The following GSG1L variants were observed in gnomAD, a reference collection of about 807,000 sequenced individuals.
GSG1L encodes GSG1 like.
A neutral mutation model predicts 42.1 loss-of-function variants in GSG1L; 24 were observed. The observed-to-expected ratio is 0.57, with a 90% CI of 0.41 to 0.80. The LOEUF (loss-of-function observed/expected upper bound fraction) is 0.80. Ranked by LOEUF, GSG1L falls within the 30% of genes least tolerant of loss-of-function variation. GSG1L has a pLI of 0.00. For synonymous variants in GSG1L, 215 were observed against 203.5 expected (o/e 1.06, Z -0.48); for missense variants, 445 against 472.2 (o/e 0.94, Z 0.53).
chr16:27,817,679 T>C (rs1442212982), intron 5 of GSG1L, among the ~76,000 whole-genome samples: 2 of 152,042 alleles, frequency 1.3e-5, no homozygotes, highest in Non-Finnish European at 2.9e-5. Flanking sequence ...TTTCAATCTG[T>C]CTTGAACCAA....
At chr16:27,888,563 CTT>C (rs1567506183) in intron 2 of GSG1L, among the ~76,000 whole-genome samples, 3 of 119,702 alleles carry the variant, frequency 2.5e-5, no homozygotes, top group South Asian at 2.8e-4. Flanking sequence ...TTCTTTCTTT[CTT>C]TCTTTCTTTC....
chr16:27,887,376 A>G (rs2084043200), intron 2 of GSG1L, among the ~76,000 whole-genome samples: 1 of 152,202 alleles, frequency 6.6e-6, no homozygotes, highest in African/African-American at 2.4e-5. Context: ...GGCAGAGCCA[A>G]GAGATGGAGG....
intron 6 of GSG1L, among the ~76,000 whole-genome samples, chr16:27,794,081 C>G (rs571689507): frequency 6.6e-6 from 1 of 152,346 alleles, no homozygotes; most frequent in South Asian, 2.1e-4. Flanking sequence ...GTGGCGCCAT[C>G]ATGGCTCACT....
At chr16:28,039,900 C>G (rs2086087831) in intron 1 of GSG1L, among the ~76,000 whole-genome samples, 1 of 152,128 alleles carries the variant, frequency 6.6e-6, no homozygotes, top group Non-Finnish European at 1.5e-5. Flanking sequence ...AGTATTTATA[C>G]CTTCATATGT....
chr16:27,843,882 G>T (rs1005509895), intron 4 of GSG1L, among the ~76,000 whole-genome samples: 5 of 152,342 alleles, frequency 3.3e-5, no homozygotes. Context: ...AGGGAAGCTT[G>T]GGACTCTAGT....
At chr16:27,811,816 T>G (rs528649159) in intron 5 of GSG1L, among the ~76,000 whole-genome samples, 1 of 152,256 alleles carries the variant, frequency 6.6e-6, no homozygotes, top group South Asian at 2.1e-4. Flanking sequence ...GTTTGGTTAT[T>G]TTTTTTATAT....
chr16:28,034,760 C>T (rs1032195610), intron 1 of GSG1L, among the ~76,000 whole-genome samples: 2 of 152,168 alleles, frequency 1.3e-5, no homozygotes, highest in African/African-American at 2.4e-5. Flanking sequence ...GGATATTTAG[C>T]GGCATCCAGG....
intron 1 of GSG1L, among the ~76,000 whole-genome samples, chr16:28,031,661 G>C (rs1028335979): frequency 3.3e-5 from 5 of 152,154 alleles, no homozygotes; most frequent in African/African-American, 4.8e-5. Flanking sequence ...AGAATTTTCT[G>C]CCTACTTTAA....
chr16:27,871,706 C>A (rs1438306067), intron 3 of GSG1L, among the ~76,000 whole-genome samples: 1 of 152,152 alleles, frequency 6.6e-6, no homozygotes, highest in Admixed American at 6.5e-5. Flanking sequence ...AGCCATAAAA[C>A]TAACAAAGTA....
At chr16:28,028,815 T>C (rs959159719) in intron 1 of GSG1L, among the ~76,000 whole-genome samples, 3 of 152,182 alleles carry the variant, frequency 2.0e-5, no homozygotes, top group African/African-American at 7.2e-5. Flanking sequence ...GCCTCCAGGC[T>C]TAGGCAGGAA....
At chr16:27,912,962 A>T (rs2084409060) in intron 2 of GSG1L, among the ~76,000 whole-genome samples, 1 of 152,038 alleles carries the variant, frequency 6.6e-6, no homozygotes, top group Non-Finnish European at 1.5e-5. Context: ...AACATGGCAG[A>T]ATCTTTATTT....
intron 2 of GSG1L, among the ~76,000 whole-genome samples, chr16:27,927,565 T>C (rs1186422563): frequency 1.3e-5 from 2 of 152,052 alleles, no homozygotes; most frequent in Non-Finnish European, 2.9e-5. Context: ...GGACCCCTCA[T>C]GCCATTCTCC....
In GSG1L at chr16:27,866,069, T is replaced by C. The variant is rs117907800; in HGVS notation, c.550+18417A>G. Among the ~76,000 whole-genome samples, 386 of 152,210 alleles carry C rather than the reference T, an allele frequency of 2.5e-3. 3 individuals carry two copies. Among genetic ancestry groups the C allele is most frequent in the Non-Finnish European group, 2.4e-3 (165 of 68,008 alleles). On this transcript the variant is annotated intron_variant, in intron 3 of 6. Transcript: ENST00000447459. Reference sequence around the variant, plus strand: ...CTAGTTCTGCCTTCCTGTGTATCTTTCTATTTTCCACCTCTGTTTTTCTCT... The same window carrying C: ...CTAGTTCTGCCTTCCTGTGTATCTTCCTATTTTCCACCTCTGTTTTTCTCT...
intron 1 of GSG1L, among the ~76,000 whole-genome samples, chr16:27,991,494 C>T (rs1037231937): frequency 1.6e-4 from 24 of 151,772 alleles, no homozygotes; most frequent in African/African-American, 5.8e-4. Flanking sequence ...CAACCGCTGC[C>T]CCCCAGTTCA....
chr16:27,966,791 T>C (rs1240595424), intron 1 of GSG1L, among the ~76,000 whole-genome samples: 1 of 152,218 alleles, frequency 6.6e-6, no homozygotes, highest in East Asian at 1.9e-4. Flanking sequence ...CACGGGATCA[T>C]AAAAATAGGT....
At chr16:28,058,641 C>A (rs67817153) in intron 1 of GSG1L, among the ~76,000 whole-genome samples, 28,963 of 93,340 alleles carry the variant, frequency 0.31, 3,921 homozygotes, top group Non-Finnish European at 0.35. Context: ...AAAAAACAAA[C>A]AAACCATGTC....
intron 3 of GSG1L, among the ~76,000 whole-genome samples, chr16:27,870,435 A>C (rs1596572054): frequency 6.8e-6 from 1 of 146,516 alleles, no homozygotes. Context: ...GTCTGTCTCC[A>C]TCCATCTCTC....
chr16:27,946,687 AGAAAGAAT>A (rs1567530191), intron 2 of GSG1L, among the ~76,000 whole-genome samples: 6 of 147,712 alleles, frequency 4.1e-5, no homozygotes, highest in Non-Finnish European at 9.1e-5. Flanking sequence ...AAAGAAAGAA[AGAAAGAAT>A]TAAATGAAGC....
intron 1 of GSG1L, among the ~76,000 whole-genome samples, chr16:28,000,301 C>T (rs2085567734): frequency 6.6e-6 from 1 of 152,196 alleles, no homozygotes; most frequent in South Asian, 2.1e-4. Context: ...GACCTCGTCT[C>T]TACCAAATAA....
Sources: allele counts gnomAD v4.1 joint callset (sites outside exome capture counted in the v4.1 genomes callset), GRCh38; gene constraint gnomAD v4.1.1; transcripts MANE v1.5; gene names NCBI Gene and HGNC (gene_info 2026-07-23, HGNC 2026-07-21).